SSBP2: variants seen among roughly 807,000 people sequenced by gnomAD.
SSBP2 encodes single-stranded DNA-binding protein 2.
A neutral mutation model predicts 61.8 loss-of-function variants in SSBP2; 17 were observed. The observed-to-expected ratio is 0.28, with a 90% CI of 0.19 to 0.41. The LOEUF (loss-of-function observed/expected upper bound fraction) is 0.41. SSBP2 is among the 10% of genes least tolerant of loss of function. The probability of loss-of-function intolerance (pLI) is 1.00; values close to 1 mark genes in which losing one functional copy is unlikely to be tolerated. For synonymous variants in SSBP2, 139 were observed against 141.3 expected, an observed-to-expected ratio of 0.98 and a Z score of 0.12; for missense variants, 310 against 458.7, an observed-to-expected ratio of 0.68 and a Z score of 2.96.
intron 14 of SSBP2, chr5:81,437,681 T>C (rs1762759093): frequency 5.9e-6 from 2 of 337,154 alleles, no homozygotes; most frequent in Non-Finnish European, 1.1e-5. Context: ...CAATCGTTTT[T>C]TTTTTATGGA....
intron 1 of SSBP2, among the ~76,000 whole-genome samples, chr5:81,688,759 G>T (rs1753000581): frequency 1.3e-5 from 2 of 152,042 alleles, no homozygotes; most frequent in South Asian, 4.2e-4. Flanking sequence ...ATAAGGAAAG[G>T]CACAACAAGC....
At chr5:81,715,986 G>A (rs1291505997) in intron 1 of SSBP2, among the ~76,000 whole-genome samples, 3 of 152,046 alleles carry the variant, frequency 2.0e-5, no homozygotes, top group African/African-American at 7.2e-5. Context: ...GTGCCCAGGA[G>A]GTGGAGGTTG....
At chr5:81,435,490 C>A (rs370953616) in intron 15 of SSBP2, among the ~76,000 whole-genome samples, 1 of 152,148 alleles carries the variant, frequency 6.6e-6, no homozygotes. Context: ...ACAAGCAATG[C>A]ATCATTAGGC....
At chr5:81,491,087 A>G (rs547647829) in intron 5 of SSBP2, among the ~76,000 whole-genome samples, 6 of 152,302 alleles carry the variant, frequency 3.9e-5, no homozygotes, top group Non-Finnish European at 8.8e-5. Context: ...TTTATAAATC[A>G]CCTAATTTCA....
intron 1 of SSBP2, among the ~76,000 whole-genome samples, chr5:81,748,128 T>C (rs1384932448): frequency 2.0e-5 from 3 of 152,202 alleles, no homozygotes; most frequent in Non-Finnish European, 4.4e-5. Context: ...CTATTCACCA[T>C]GAACTCATGT....
At chr5:81,694,490 TG>T (rs1201200993) in intron 1 of SSBP2, among the ~76,000 whole-genome samples, 2 of 152,138 alleles carry the variant, frequency 1.3e-5, no homozygotes, top group Admixed American at 6.5e-5. Context: ...TAAGTAAATT[TG>T]GGGACTGACT....
chr5:81,574,810 C>T (rs58258197), intron 4 of SSBP2, among the ~76,000 whole-genome samples: 8,938 of 152,090 alleles, frequency 0.059, 874 homozygotes, highest in African/African-American at 0.2. Context: ...AAAAAAATGT[C>T]AACCTAGAGT....
At chr5:81,487,374 A>G (rs34785265) in intron 6 of SSBP2, among the ~76,000 whole-genome samples, 5,292 of 152,268 alleles carry the variant, frequency 0.035, 144 homozygotes, top group Non-Finnish European at 0.051. Context: ...ATTTGAGAAC[A>G]AAACATGAAA....
At chr5:81,629,089 C>T (rs1244414847) in intron 3 of SSBP2, among the ~76,000 whole-genome samples, 1 of 152,044 alleles carries the variant, frequency 6.6e-6, no homozygotes, top group Non-Finnish European at 1.5e-5. Flanking sequence ...CAGGTTCAAG[C>T]GATTCACCCA....
At chr5:81,540,449 A>G (rs967568040) in intron 4 of SSBP2, among the ~76,000 whole-genome samples, 3 of 152,150 alleles carry the variant, frequency 2.0e-5, no homozygotes, top group African/African-American at 7.2e-5. Context: ...CTGGCATGAG[A>G]TGGTATCTCA....
chr5:81,517,191 T>TATTTCCTCC (rs1434616198), intron 4 of SSBP2, among the ~76,000 whole-genome samples: 4 of 152,148 alleles, frequency 2.6e-5, no homozygotes, highest in African/African-American at 9.6e-5. Flanking sequence ...GGGTTTACAG[T>TATTTCCTCC]ATTTCCTCCA....
rs556731482 is a variant in SSBP2 at position 81,692,943 on chromosome 5, C to T, written c.63-42604G>A. ...TGAGGAGGCCAGGTGTGGTGGCTCA[C>T]GCCTGTAATCCCAGCACTTTGGGAG... On this transcript the variant is annotated intron_variant, in intron 1 of 16. Coordinates refer to ENST00000320672, the MANE Select transcript of SSBP2 (RefSeq NM_012446.5). 1.2e-4 allele frequency among the ~76,000 whole-genome samples: 19 copies of T among 152,136 alleles called. No homozygotes were observed. The South Asian group carries it at 3.5e-3, about 28-fold the overall frequency.
At chr5:81,531,458 A>G (rs1432211714) in intron 4 of SSBP2, among the ~76,000 whole-genome samples, 2 of 152,082 alleles carry the variant, frequency 1.3e-5, no homozygotes, top group African/African-American at 4.8e-5. Flanking sequence ...ACTGTATACA[A>G]ACTAATAAGA....
chr5:81,721,543 G>GA (rs1755544202), intron 1 of SSBP2, among the ~76,000 whole-genome samples: 1 of 151,910 alleles, frequency 6.6e-6, no homozygotes, highest in South Asian at 2.1e-4. Context: ...ATCTGTAACA[G>GA]AAATCTAATT....
chr5:81,605,700 A>G, intron 4 of SSBP2, among the ~76,000 whole-genome samples: 1 of 151,972 alleles, frequency 6.6e-6, no homozygotes, highest in East Asian at 1.9e-4. Context: ...ATTAAGAAAA[A>G]AGAAGGGAAA....
At chr5:81,478,883 T>A (rs1011829112) in intron 6 of SSBP2, among the ~76,000 whole-genome samples, 12 of 152,228 alleles carry the variant, frequency 7.9e-5, no homozygotes, top group African/African-American at 2.9e-4. Flanking sequence ...TGGCAACCAT[T>A]TTCTTCAAAA....
Position 81,622,019 on chromosome 5 carries a change from G to A in SSBP2, c.198-6462C>T, listed in dbSNP as rs1311698399. Reference sequence around the variant, plus strand: ...ATACCTAAGGCTAGATGACGAGTTAGTGGGTGCAGCGCAGCAGCATGGCAC... The same window carrying A: ...ATACCTAAGGCTAGATGACGAGTTAATGGGTGCAGCGCAGCAGCATGGCAC... On this transcript the variant is annotated intron_variant, in intron 3 of 16. Transcript: ENST00000320672. Among the ~76,000 whole-genome samples, 3 of 148,154 alleles carry A rather than the reference G, an allele frequency of 2.0e-5. No homozygotes were observed. In the Admixed American group the frequency reaches 2.0e-4, roughly 10 times the overall value.
intron 16 of SSBP2, among the ~76,000 whole-genome samples, chr5:81,427,541 T>C (rs534985261): frequency 1.3e-5 from 2 of 152,248 alleles, no homozygotes; most frequent in African/African-American, 4.8e-5. Flanking sequence ...GAACAGCCAC[T>C]CTGTATAAAG....
rs1267613495 is a variant in SSBP2, at chr5:81,416,565, A to C, written c.*3939T>G. ...GGAAAACTTCCCCAGCCAAAGGAGCAGTTCTGAATGCTTTGCTATACATTC... is the reference window on the plus strand; with the variant it reads ...GGAAAACTTCCCCAGCCAAAGGAGCCGTTCTGAATGCTTTGCTATACATTC... On this transcript the variant is annotated 3_prime_UTR_variant, in exon 17 of 17. Transcript: ENST00000320672. 6.6e-6 allele frequency: 1 copy of C among 152,254 alleles called. No homozygotes were observed. The highest frequency in any genetic ancestry group is 2.4e-5 in the African/African-American group (1 of 41,454). 9.4% of individuals were successfully genotyped at this position (152,254 alleles called of 1,614,324 possible).
Sources: allele counts gnomAD v4.1 joint callset (sites outside exome capture counted in the v4.1 genomes callset), GRCh38; gene constraint gnomAD v4.1.1; transcripts MANE v1.5; gene names NCBI Gene and HGNC (gene_info 2026-07-23, HGNC 2026-07-21).